USH2A: variants seen among roughly 807,000 people sequenced by gnomAD.
USH2A encodes usherin.
A neutral mutation model predicts 538.9 loss-of-function variants in USH2A; 443 were observed. The observed-to-expected ratio is 0.82, with a 90% CI of 0.76 to 0.89. The LOEUF (loss-of-function observed/expected upper bound fraction) is 0.89, where lower values mean the gene tolerates loss of function less well. Among genes scored for constraint, USH2A ranks in the 40% least tolerant of loss-of-function variants. USH2A has a pLI of 0.00. For missense variants in USH2A, 6,633 were observed against 6,324.8 expected (o/e 1.05, Z -1.65); for synonymous variants, 2,413 against 2,273.5 (o/e 1.06, Z -1.75).
chr1:216,364,910 G>A, intron 4 of USH2A, 43 bp downstream of exon 4: 1 of 1,610,556 alleles, frequency 6.2e-7, no homozygotes, highest in Non-Finnish European at 8.5e-7. Context: ...TAAGAACAAT[G>A]TAATTGGATG....
intron 44 of USH2A, among the ~76,000 whole-genome samples, chr1:215,855,601 C>T (rs1325620366): frequency 2.0e-5 from 3 of 151,992 alleles, no homozygotes; most frequent in Non-Finnish European, 2.9e-5. Context: ...AATGCAATTC[C>T]CATCAAATTA....
intron 11 of USH2A, among the ~76,000 whole-genome samples, chr1:216,288,950 CTTGT>C (rs2036942272): frequency 6.6e-6 from 1 of 152,066 alleles, no homozygotes; most frequent in African/African-American, 2.4e-5. Flanking sequence ...AGAAACTATT[CTTGT>C]TTATTTATAT....
intron 44 of USH2A, among the ~76,000 whole-genome samples, chr1:215,853,611 C>G (rs1387046042): frequency 6.6e-6 from 1 of 152,182 alleles, no homozygotes; most frequent in Non-Finnish European, 1.5e-5. Context: ...CTCTGCTTCC[C>G]TTATAAAACT....
chr1:215,822,682 C>T (rs1411637517), intron 47 of USH2A, among the ~76,000 whole-genome samples: 1 of 151,846 alleles, frequency 6.6e-6, no homozygotes, highest in African/African-American at 2.4e-5. Context: ...AGTGGGTATC[C>T]TTGTCTTGTT....
At chr1:215,809,752 TG>T (rs1662611072) in intron 49 of USH2A, among the ~76,000 whole-genome samples, 1 of 152,132 alleles carries the variant, frequency 6.6e-6, no homozygotes, top group Non-Finnish European at 1.5e-5. Context: ...CTGTTTGTTA[TG>T]GGGTGTTATG....
intron 64 of USH2A, among the ~76,000 whole-genome samples, chr1:215,656,179 C>T (rs1244266393): frequency 6.6e-6 from 1 of 152,178 alleles, no homozygotes; most frequent in African/African-American, 2.4e-5. Flanking sequence ...TAATGCTTTG[C>T]CTCGCTCAAT....
intron 10 of USH2A, among the ~76,000 whole-genome samples, chr1:216,290,431 C>T (rs1217385458): frequency 2.6e-5 from 4 of 152,050 alleles, no homozygotes; most frequent in African/African-American, 7.2e-5. Context: ...GAATATTTAT[C>T]GCGTGATTAC....
intron 2 of USH2A, 150 bp downstream of exon 2, chr1:216,421,702 T>A (rs964937149): frequency 1.3e-5 from 17 of 1,291,744 alleles, no homozygotes; most frequent in African/African-American, 7.5e-5. Context: ...GAGAAAAAAA[T>A]TTTAATTGGG....
At chr1:216,217,092 G>T (rs1238323767) in intron 15 of USH2A, among the ~76,000 whole-genome samples, 1 of 151,996 alleles carries the variant, frequency 6.6e-6, no homozygotes, top group Non-Finnish European at 1.5e-5. Flanking sequence ...CTTGTGTCCT[G>T]GGAAGACCCT....
intron 14 of USH2A, among the ~76,000 whole-genome samples, chr1:216,220,871 A>T (rs545783704): frequency 6.6e-6 from 1 of 152,250 alleles, no homozygotes; most frequent in East Asian, 1.9e-4. Flanking sequence ...GCTAATGGGG[A>T]TGATGAAGAC....
chr1:215,868,143 C>T (rs2102441769), intron 43 of USH2A, among the ~76,000 whole-genome samples: 1 of 152,276 alleles, frequency 6.6e-6, no homozygotes, highest in South Asian at 2.1e-4. Flanking sequence ...TACCTCATCT[C>T]CAGTGTAAGG....
Position 216,059,415 on chromosome 1 carries a change from C to A in USH2A, c.6049+10686G>T, listed in dbSNP as rs372982401. ...GAAGTCTTCATTCTTTTTGTAGACA[C>A]CCAAACAATGAGTATCACTTCTTTG... On this transcript the variant is annotated intron_variant, in intron 30 of 71. Coordinates refer to ENST00000307340, the MANE Select transcript of USH2A (RefSeq NM_206933.4). 2.1e-3 allele frequency among the ~76,000 whole-genome samples: 322 copies of A among 152,274 alleles called. 3 individuals carry two copies. The highest frequency in any genetic ancestry group is 7.1e-3 in the African/African-American group (294 of 41,556).
intron 54 of USH2A, 104 bp downstream of exon 54, chr1:215,781,938 G>A: frequency 6.7e-7 from 1 of 1,494,048 alleles, no homozygotes; most frequent in Non-Finnish European, 9.3e-7. Context: ...CCACTTTGAG[G>A]AGGGACATTG....
At chr1:216,279,966 G>A (rs1321459126) in intron 11 of USH2A, among the ~76,000 whole-genome samples, 2 of 151,982 alleles carry the variant, frequency 1.3e-5, no homozygotes, top group African/African-American at 4.8e-5. Flanking sequence ...TGGAGGGAAA[G>A]GATGGAGACA....
chr1:215,902,326 T>C, intron 38 of USH2A, among the ~76,000 whole-genome samples: 1 of 152,176 alleles, frequency 6.6e-6, no homozygotes, highest in East Asian at 1.9e-4. Context: ...TGACCAGTGA[T>C]GAGAACAGAA....
chr1:215,988,106 C>T (rs1030143075), intron 35 of USH2A, among the ~76,000 whole-genome samples: 8 of 151,976 alleles, frequency 5.3e-5, no homozygotes, highest in African/African-American at 1.4e-4. Context: ...TCTACATACA[C>T]GTGGTTGTGC....
At chr1:216,151,500 C>T (rs2033831628) in intron 21 of USH2A, among the ~76,000 whole-genome samples, 1 of 152,124 alleles carries the variant, frequency 6.6e-6, no homozygotes, top group African/African-American at 2.4e-5. Flanking sequence ...GACTTTCTGC[C>T]TCCATGATTG....
chr1:215,625,408 T>A lies in USH2A; in HGVS notation c.*373A>T, dbSNP rs761715371. ...AGTGACATCCTTTCAACAGAATCAT[T>A]TTTGAGCCAGTAACTAACTTACTAC... On this transcript the variant is annotated 3_prime_UTR_variant, in exon 72 of 72. Coordinates refer to ENST00000307340, the MANE Select transcript of USH2A (RefSeq NM_206933.4). The A allele has an allele frequency of 9.9e-6, 3 of 303,914 alleles. No homozygotes were observed. The highest frequency in any genetic ancestry group is 1.9e-5 in the Non-Finnish European group (3 of 157,672). The allele number at this position is 303,914 out of a possible 1,614,324, so 18.8% of individuals were successfully genotyped here. A position where few individuals can be genotyped will look rare whatever the true frequency, so the allele number is the denominator to read the frequency against.
chr1:216,018,809 A>G (rs1668778340), intron 32 of USH2A, among the ~76,000 whole-genome samples: 1 of 44,028 alleles, frequency 2.3e-5, no homozygotes, highest in Non-Finnish European at 3.8e-5. Flanking sequence ...TATTATTATT[A>G]TTATTATCTC....
Sources: gnomAD v4.1 joint callset for allele counts (sites outside exome capture counted in the v4.1 genomes callset) on GRCh38, gnomAD v4.1.1 for gene constraint, MANE v1.5 for transcripts, NCBI Gene and HGNC (gene_info 2026-07-23, HGNC 2026-07-21) for gene names.